The following ABCC4 variants were observed in gnomAD, a reference collection of about 807,000 sequenced individuals.
ABCC4 encodes the protein ATP binding cassette subfamily C member 4 (PEL blood group).
In ABCC4, 102 loss-of-function variants were observed where a neutral mutation model predicts 168.5. The observed-to-expected ratio is 0.61, with a 90% confidence interval of 0.52 to 0.71. The LOEUF is 0.71. Among genes scored for constraint, ABCC4 ranks in the 30% least tolerant of loss-of-function variants. The pLI, the probability that ABCC4 is intolerant of heterozygous loss-of-function variation, is 0.00. For missense variants in ABCC4, 1,402 were observed against 1,605.8 expected, an observed-to-expected ratio of 0.87 and a Z score of 2.17; for synonymous variants, 617 against 590.7, an observed-to-expected ratio of 1.04 and a Z score of -0.65.
intron 19 of ABCC4, among the ~76,000 whole-genome samples, chr13:95,122,642 A>G (rs1325484581): frequency 6.6e-6 from 1 of 151,976 alleles, no homozygotes; most frequent in African/African-American, 2.4e-5. Flanking sequence ...CCTCTCTTCC[A>G]TCCACCTGTC....
intron 13 of ABCC4, among the ~76,000 whole-genome samples, chr13:95,172,397 C>G (rs1478389771): frequency 6.6e-6 from 1 of 151,950 alleles, no homozygotes; most frequent in Non-Finnish European, 1.5e-5. Context: ...ACGGTGAAAT[C>G]CCATCTCCAC....
intron 14 of ABCC4, among the ~76,000 whole-genome samples, chr13:95,168,962 G>A (rs1396344460): frequency 6.6e-6 from 1 of 152,082 alleles, no homozygotes; most frequent in East Asian, 1.9e-4. Context: ...GGAGTAGGGT[G>A]GGCCCTAGGT....
At chr13:95,181,275 A>G (rs1358174001) in intron 11 of ABCC4, among the ~76,000 whole-genome samples, 3 of 152,244 alleles carry the variant, frequency 2.0e-5, no homozygotes, top group Non-Finnish European at 4.4e-5. Context: ...TGAGGACACT[A>G]TGGGGATGGT....
intron 13 of ABCC4, among the ~76,000 whole-genome samples, chr13:95,175,766 T>G (rs925874505): frequency 3.9e-5 from 6 of 152,156 alleles, no homozygotes; most frequent in African/African-American, 1.4e-4. Context: ...AAGAAAGCCC[T>G]CGGGAGGAGC....
At chr13:95,213,487 G>A (rs957544396) in intron 4 of ABCC4, among the ~76,000 whole-genome samples, 1 of 152,178 alleles carries the variant, frequency 6.6e-6, no homozygotes, top group African/African-American at 2.4e-5. Context: ...TTTACCCAGG[G>A]TACTTTGCCA....
At chr13:95,075,347 C>T in intron 22 of ABCC4, 85 bp downstream of exon 22, 1 of 1,573,612 alleles carries the variant, frequency 6.4e-7, no homozygotes, top group Admixed American at 1.8e-5. Context: ...GAGGTGCCTG[C>T]CAACAAGCTC....
chr13:95,143,240 T>C (rs1305509427), intron 19 of ABCC4, among the ~76,000 whole-genome samples: 1 of 152,002 alleles, frequency 6.6e-6, no homozygotes, highest in East Asian at 1.9e-4. Flanking sequence ...AACAGCTGGA[T>C]GGGATTTCCA....
intron 4 of ABCC4, among the ~76,000 whole-genome samples, chr13:95,219,979 C>T (rs2039267778): frequency 1.3e-5 from 2 of 151,736 alleles, no homozygotes; most frequent in South Asian, 2.1e-4. Context: ...CCTTAGCCTC[C>T]CAAGTAGCTG....
rs570338449 is a variant in ABCC4 at position 95,026,178 on chromosome 13, G to A, written c.3871-4496C>T. Among the ~76,000 whole-genome samples, 160 of 152,274 alleles carry A rather than the reference G, an allele frequency of 1.1e-3. 1 individual carries two copies. The highest frequency in any genetic ancestry group is 1.7e-3 in the Non-Finnish European group (113 of 68,024). ...TTGCTTGAACCGGGAGTTGGAGGGT[G>A]CAGTGAGCCAAGAGCACGCCACTGC... On this transcript the variant is annotated intron_variant, in intron 30 of 30. Transcript: ENST00000645237.
At position 95,188,486 on chromosome 13, in the gene ABCC4, C is replaced by T. The variant is rs1015135638; in HGVS notation, c.1320G>A (p.Leu440=). 4.3e-6 allele frequency: 7 copies of T among 1,614,060 alleles called. No homozygotes were observed. The highest frequency in any genetic ancestry group is 5.9e-6 in the Non-Finnish European group (7 of 1,180,016). The change falls in exon 10 of 31, where the codon TTG becomes TTA. Residue 440 remains leucine, a synonymous_variant. Coordinates refer to ENST00000645237, the MANE Select transcript of ABCC4 (RefSeq NM_005845.5). ...GLSFTVRPGE[L]LAVVGPVGAG... is the part of the protein sequence containing the mutation. ...CTCCCACGGGGCCGACCACAGCTAA[C>T]AATTCGCCAGGTCTGACAGTAAAGG...
At chr13:95,278,260 A>G (rs932944229) in intron 1 of ABCC4, among the ~76,000 whole-genome samples, 2 of 152,192 alleles carry the variant, frequency 1.3e-5, no homozygotes, top group African/African-American at 2.4e-5. Flanking sequence ...GAGGGCCCGT[A>G]TACCTTATGT....
chr13:95,252,256 T>G (rs1237145013), intron 1 of ABCC4, among the ~76,000 whole-genome samples: 5 of 152,232 alleles, frequency 3.3e-5, no homozygotes, highest in Non-Finnish European at 5.9e-5. Flanking sequence ...GTTGCTGAGA[T>G]CTGGTTTAAG....
At chr13:95,148,655 A>G (rs1243487845) in intron 19 of ABCC4, among the ~76,000 whole-genome samples, 1 of 151,062 alleles carries the variant, frequency 6.6e-6, no homozygotes, top group African/African-American at 2.4e-5. Context: ...GCTTCTTAAG[A>G]TAACTGTTTT....
At chr13:95,100,558 T>C (rs1427233016) in intron 20 of ABCC4, among the ~76,000 whole-genome samples, 2 of 152,104 alleles carry the variant, frequency 1.3e-5, no homozygotes, top group African/African-American at 2.4e-5. Flanking sequence ...GGGTCAAGAG[T>C]TGGCAAATAT....
intron 20 of ABCC4, among the ~76,000 whole-genome samples, chr13:95,108,636 ATT>A (rs1254181194): frequency 1.6e-5 from 2 of 126,558 alleles, no homozygotes; most frequent in African/African-American, 6.4e-5. Context: ...CGTTAAATCT[ATT>A]TTCTTTTTTT....
At chr13:95,289,401 G>A (rs1389548884) in intron 1 of ABCC4, among the ~76,000 whole-genome samples, 1 of 152,180 alleles carries the variant, frequency 6.6e-6, no homozygotes, top group Admixed American at 6.6e-5. Flanking sequence ...ACTTGACTCA[G>A]TTCCCAACTC....
intron 26 of ABCC4, among the ~76,000 whole-genome samples, chr13:95,056,931 G>A (rs1461601556): frequency 6.6e-6 from 1 of 150,674 alleles, no homozygotes; most frequent in Admixed American, 6.7e-5. Context: ...TGTTGAATTT[G>A]CATGAAGTTA....
At chr13:95,269,435 ATATATAT>A (rs769768508) in intron 1 of ABCC4, 9,141 of 123,084 alleles carry the variant, frequency 0.074, 426 homozygotes, top group Non-Finnish European at 0.11. Context: ...CAAAAAAAAA[ATATATAT>A]ATATATATAT....
intron 19 of ABCC4, among the ~76,000 whole-genome samples, chr13:95,126,885 A>ATT (rs2035800394): frequency 1.5e-5 from 1 of 66,218 alleles, no homozygotes; most frequent in Non-Finnish European, 3.7e-5. Flanking sequence ...CACCAAATAT[A>ATT]TATATATATT....
Sources: gnomAD v4.1 joint callset for allele counts (sites outside exome capture counted in the v4.1 genomes callset) on GRCh38, gnomAD v4.1.1 for gene constraint, MANE v1.5 for transcripts, NCBI Gene and HGNC (gene_info 2026-07-23, HGNC 2026-07-21) for gene names.